Variants in SPAG16 observed in about 807,000 individuals in gnomAD.
The protein encoded by SPAG16 is sperm associated antigen 16.
Under a neutral mutation model 80.4 loss-of-function variants are expected in SPAG16, and 86 were observed. The observed-to-expected ratio is 1.07, with a 90% CI of 0.90 to 1.28. The LOEUF (loss-of-function observed/expected upper bound fraction) is 1.28, where lower values mean the gene tolerates loss of function less well. Among genes scored for constraint, SPAG16 ranks in the 50% most tolerant of loss-of-function variants. The pLI is 0.00. For synonymous variants in SPAG16, 294 were observed against 265.9 expected, an observed-to-expected ratio of 1.11 and a Z score of -1.03; for missense variants, 870 against 765.3, an observed-to-expected ratio of 1.14 and a Z score of -1.61.
rs541744345 is a variant in SPAG16, at chr2:213,416,356, C to G, written c.942+41237C>G. Among the ~76,000 whole-genome samples the G allele has an allele frequency of 2.0e-5, 3 of 152,262 alleles. 1 individual carries two copies. In the South Asian group the frequency reaches 6.2e-4, roughly 32 times the overall value. ...GACCAGATCTTTGTATGATGAGACTCGGGGTAGGGTCCCAGCAGTCATAAA... is the reference window on the plus strand; with the variant it reads ...GACCAGATCTTTGTATGATGAGACTGGGGGTAGGGTCCCAGCAGTCATAAA... On this transcript the variant is annotated intron_variant, in intron 9 of 15. Transcript: ENST00000331683.
At chr2:213,737,630 G>A (rs1189001553) in intron 10 of SPAG16, among the ~76,000 whole-genome samples, 2 of 151,880 alleles carry the variant, frequency 1.3e-5, no homozygotes, top group Non-Finnish European at 2.9e-5. Flanking sequence ...TGGGACTATA[G>A]GCGCCCGCCA....
At chr2:213,811,359 G>A (rs2072139507) in intron 10 of SPAG16, among the ~76,000 whole-genome samples, 1 of 151,616 alleles carries the variant, frequency 6.6e-6, no homozygotes, top group African/African-American at 2.4e-5. Context: ...ACAAGATGAG[G>A]GTTTGCTTCC....
At chr2:214,373,407 A>C (rs1234079428) in intron 15 of SPAG16, among the ~76,000 whole-genome samples, 2 of 152,228 alleles carry the variant, frequency 1.3e-5, no homozygotes, top group Non-Finnish European at 2.9e-5. Flanking sequence ...AAACCTTATA[A>C]TGCAGATTAT....
chr2:214,129,547 T>C (rs2054657756), intron 14 of SPAG16, among the ~76,000 whole-genome samples: 1 of 152,176 alleles, frequency 6.6e-6, no homozygotes. Flanking sequence ...CACCAGAAGA[T>C]ATGCAATTGT....
chr2:214,047,264 C>T (rs1412136071), intron 13 of SPAG16, among the ~76,000 whole-genome samples: 2 of 152,042 alleles, frequency 1.3e-5, no homozygotes, highest in African/African-American at 4.8e-5. Flanking sequence ...CTGGAGGAAT[C>T]ACATTACCTG....
intron 10 of SPAG16, among the ~76,000 whole-genome samples, chr2:213,606,051 A>G (rs1336921662): frequency 3.9e-5 from 6 of 152,206 alleles, no homozygotes; most frequent in Non-Finnish European, 7.3e-5. Flanking sequence ...TATTAACCTT[A>G]GAGGAATGTA....
At chr2:214,063,185 G>C (rs958028492) in intron 13 of SPAG16, among the ~76,000 whole-genome samples, 2 of 152,004 alleles carry the variant, frequency 1.3e-5, no homozygotes, top group Non-Finnish European at 2.9e-5. Context: ...TGATAAATGG[G>C]TACTATATCA....
At chr2:213,810,060 G>T (rs1321922730) in intron 10 of SPAG16, among the ~76,000 whole-genome samples, 1 of 152,128 alleles carries the variant, frequency 6.6e-6, no homozygotes, top group South Asian at 2.1e-4. Context: ...TCATCAAAAA[G>T]ATAATATTCT....
chr2:213,469,168 C>G (rs13399313), intron 9 of SPAG16, among the ~76,000 whole-genome samples: 3,802 of 152,174 alleles, frequency 0.025, 158 homozygotes, highest in African/African-American at 0.085. Flanking sequence ...CCCTTGTCAA[C>G]TTGAACCCAT....
intron 9 of SPAG16, among the ~76,000 whole-genome samples, chr2:213,382,520 A>G (rs1182374042): frequency 6.6e-6 from 1 of 152,154 alleles, no homozygotes; most frequent in Non-Finnish European, 1.5e-5. Flanking sequence ...TTTGAGCACC[A>G]TTGGGTCTGC....
At chr2:214,324,905 A>G (rs1479986116) in intron 15 of SPAG16, among the ~76,000 whole-genome samples, 1 of 152,248 alleles carries the variant, frequency 6.6e-6, no homozygotes, top group Admixed American at 6.5e-5. Flanking sequence ...AAGGCATGTC[A>G]TTTGTGACAT....
chr2:214,300,997 C>T (rs1054542919), intron 15 of SPAG16, among the ~76,000 whole-genome samples: 19 of 147,864 alleles, frequency 1.3e-4, no homozygotes, highest in Non-Finnish European at 2.1e-4. Flanking sequence ...AACACAGATG[C>T]GAAAATTCTC....
chr2:214,345,319 A>G (rs1175992460), intron 15 of SPAG16, among the ~76,000 whole-genome samples: 1 of 152,152 alleles, frequency 6.6e-6, no homozygotes, highest in African/African-American at 2.4e-5. Flanking sequence ...TCACAGACAC[A>G]GACCCCATGA....
At chr2:213,986,997 A>G (rs1250682485) in intron 12 of SPAG16, among the ~76,000 whole-genome samples, 1 of 151,964 alleles carries the variant, frequency 6.6e-6, no homozygotes, top group Admixed American at 6.6e-5. Flanking sequence ...AATGCTACAA[A>G]GCATTTATTT....
At chr2:213,321,805 G>T (rs2063620480) in intron 5 of SPAG16, among the ~76,000 whole-genome samples, 1 of 152,022 alleles carries the variant, frequency 6.6e-6, no homozygotes, top group African/African-American at 2.4e-5. Flanking sequence ...TGGAGAAAAT[G>T]ATCTTATTAA....
chr2:214,149,347 A>T, intron 15 of SPAG16, 81 bp downstream of exon 15: 1 of 1,264,996 alleles, frequency 7.9e-7, no homozygotes, highest in Middle Eastern at 2.2e-4. Flanking sequence ...TTCTCCTTAA[A>T]TGTATGTATT....
At chr2:214,200,190 T>A (rs778995702) in intron 15 of SPAG16, among the ~76,000 whole-genome samples, 40 of 152,172 alleles carry the variant, frequency 2.6e-4, no homozygotes, top group Non-Finnish European at 5.1e-4. Flanking sequence ...TGTTTTTAAC[T>A]TTTCCCCATT....
intron 10 of SPAG16, among the ~76,000 whole-genome samples, chr2:213,779,093 T>C (rs1432543120): frequency 6.6e-6 from 1 of 152,236 alleles, no homozygotes; most frequent in Non-Finnish European, 1.5e-5. Flanking sequence ...CTTTCCAGTT[T>C]TCCCTTTAAC....
intron 10 of SPAG16, among the ~76,000 whole-genome samples, chr2:213,854,087 A>G (rs1326541085): frequency 6.6e-6 from 1 of 152,194 alleles, no homozygotes; most frequent in Non-Finnish European, 1.5e-5. Context: ...AAATTTCCTT[A>G]TATTAACTTG....
Sources: allele counts gnomAD v4.1 joint callset (sites outside exome capture counted in the v4.1 genomes callset), GRCh38; gene constraint gnomAD v4.1.1; transcripts MANE v1.5; gene names NCBI Gene and HGNC (gene_info 2026-07-23, HGNC 2026-07-21).